The following PDCD6 variants were observed in gnomAD, a reference collection of about 807,000 sequenced individuals.
PDCD6 encodes the protein programmed cell death 6.
In PDCD6, 12 loss-of-function variants were observed where a neutral mutation model predicts 28.3. That is an observed-to-expected ratio of 0.42 (90% confidence interval 0.27 to 0.69). The LOEUF is 0.69. Among genes scored for constraint, PDCD6 ranks in the 30% least tolerant of loss-of-function variants. PDCD6 has a pLI of 0.22. For synonymous variants in PDCD6, 92 were observed against 108.0 expected, an observed-to-expected ratio of 0.85 and a Z score of 0.92; for missense variants, 226 against 269.9, an observed-to-expected ratio of 0.84 and a Z score of 1.14.
intron 2 of PDCD6, chr5:289,093 C>A: frequency 8.3e-7 from 1 of 1,208,736 alleles, no homozygotes; most frequent in Admixed American, 1.9e-5. Flanking sequence ...GTTGAGGCAT[C>A]ATCAGATTAT....
chr5:280,748 A>C (rs1347541304), intron 2 of PDCD6, among the ~76,000 whole-genome samples: 2 of 142,972 alleles, frequency 1.4e-5, no homozygotes, highest in African/African-American at 2.7e-5. Flanking sequence ...GCTGGCATTT[A>C]AGAGGGGAGT....
chr5:297,050 C>T (rs1249950361), intron 2 of PDCD6, among the ~76,000 whole-genome samples: 4 of 152,230 alleles, frequency 2.6e-5, no homozygotes, highest in South Asian at 2.1e-4. Flanking sequence ...GTCTGGTGCT[C>T]GGCGCTGGAG....
intron 2 of PDCD6, among the ~76,000 whole-genome samples, chr5:299,551 GTT>G (rs35811389): frequency 7.1e-6 from 1 of 140,930 alleles, no homozygotes; most frequent in Non-Finnish European, 1.5e-5. Flanking sequence ...TCTTTTGAAG[GTT>G]TTTTTTTTTT....
intron 2 of PDCD6, among the ~76,000 whole-genome samples, chr5:280,338 A>G (rs1738485833): frequency 6.6e-6 from 1 of 152,208 alleles, no homozygotes; most frequent in Admixed American, 6.5e-5. Context: ...AGGCCAGAGC[A>G]GAGGGCAGGG....
rs779736494 is a variant in PDCD6, at chr5:311,372, C to T, written c.447C>T (p.Asp149=). 1.4e-5 allele frequency: 22 copies of T among 1,613,834 alleles called. No individual in the cohort carries two copies. The highest frequency in any genetic ancestry group is 2.2e-5 in the East Asian group (1 of 44,884). ...DRQGRGQIAF[D]DFIQGCIVLQ... is the part of the protein sequence containing the mutation. Reference sequence around the variant, plus strand: ...AGGGACGGGGGCAGATTGCCTTCGACGACTTCATCCAGGGCTGCATCGTCC... The same window carrying T: ...AGGGACGGGGGCAGATTGCCTTCGATGACTTCATCCAGGGCTGCATCGTCC... Residue 149 remains aspartate (D), a synonymous_variant, in exon 5 of 6, where the codon GAC becomes GAT. Transcript: ENST00000264933.
chr5:304,121 C>CA lies in PDCD6; in HGVS notation c.164-55dup, dbSNP rs1045773894. ...TGCCTCCAGGTATAGATCACAAACT[C>CA]AGTGTCCCAGAAAGATTTTCCTTTT... On this transcript the variant is annotated intron_variant, in intron 2 of 5. Coordinates refer to ENST00000264933, the MANE Select transcript of PDCD6 (RefSeq NM_013232.4). 8.2e-6 allele frequency: 11 copies of CA among 1,344,038 alleles called. No individual in the cohort carries two copies. The African/African-American group carries it at 2.0e-4, about 25-fold the overall frequency. 83.3% of individuals were successfully genotyped at this position (1,344,038 alleles called of 1,614,324 possible).
intron 2 of PDCD6, among the ~76,000 whole-genome samples, chr5:292,459 ATGT>A (rs1232665887): frequency 2.0e-5 from 3 of 152,014 alleles, no homozygotes; most frequent in Non-Finnish European, 2.9e-5. Flanking sequence ...GGGTTTCACC[ATGT>A]TGTCCAGACT....
intron 3 of PDCD6, chr5:306,320 A>G (rs1009132478): frequency 2.2e-5 from 8 of 364,808 alleles, no homozygotes; most frequent in Non-Finnish European, 4.2e-5. Context: ...ATTTCCTCAC[A>G]CATCCCATTG....
intron 2 of PDCD6, among the ~76,000 whole-genome samples, chr5:284,918 C>T (rs1738847142): frequency 7.0e-6 from 1 of 143,694 alleles, no homozygotes. Flanking sequence ...GCTGGAGACC[C>T]GGGGAGGAAT....
rs376736858 is a variant in PDCD6, at chr5:295,214, TAAAA to T, written c.164-8959_164-8956del. 5.2e-4 allele frequency among the ~76,000 whole-genome samples: 60 copies of T among 116,126 alleles called. No individual in the cohort carries two copies. In the East Asian group the frequency reaches 5.4e-3, roughly 10 times the overall value. The allele number at this position is 116,126 out of a possible 152,430, so 76.2% of individuals were successfully genotyped here. A position where few individuals can be genotyped will look rare whatever the true frequency, so the allele number is the denominator to read the frequency against. On this transcript the variant is annotated intron_variant, in intron 2 of 5. Coordinates refer to ENST00000264933, the MANE Select transcript of PDCD6 (RefSeq NM_013232.4). ...AACATATTAAAAAAAACTCTTAAAA[TAAAA>T]AAACCACAAAAAGTATTTCATAAGC...
At position 271,657 on chromosome 5, in the gene PDCD6, C is replaced by T. The variant is rs115979486; in HGVS notation, c.-64C>T. The T allele has an allele frequency of 4.3e-3, 3,945 of 925,990 alleles. 100 individuals carry two copies. The African/African-American group carries it at 0.057, about 13-fold the overall frequency. 57.4% of individuals were successfully genotyped at this position (925,990 alleles called of 1,614,324 possible). On this transcript the variant is annotated 5_prime_UTR_variant, in exon 1 of 6. Transcript: ENST00000264933. ...GCCCTGCCCCCGGCAGAGGCGGAAG[C>T]GGAGTCGGCCTGAGAGGTCTCTCGT...
intron 2 of PDCD6, among the ~76,000 whole-genome samples, chr5:297,440 T>C (rs2126735298): frequency 6.6e-6 from 1 of 152,384 alleles, no homozygotes; most frequent in African/African-American, 2.4e-5. Context: ...TGTATACCTT[T>C]AGATTAAAAT....
At chr5:279,204 C>CT (rs1561031229) in intron 2 of PDCD6, among the ~76,000 whole-genome samples, 9 of 138,696 alleles carry the variant, frequency 6.5e-5, no homozygotes, top group African/African-American at 2.9e-4. Context: ...TTCATTCCCC[C>CT]CTAAGAGTAT....
intron 2 of PDCD6, chr5:276,491 G>T: frequency 3.1e-6 from 3 of 979,730 alleles, no homozygotes; most frequent in Non-Finnish European, 3.6e-6. Context: ...ATTAGAGATG[G>T]AGTCTCACTG....
rs369323059 is a variant in PDCD6, at chr5:302,070, C to CTGTGTGTGTGTGTGTGTGTGTGTG, written c.164-2092_164-2069dup. ...GGAGGGCGGATCATTGAGTGCTGCT[C>CTGTGTGTGTGTGTGTGTGTGTGTG]TGTGTGTGTGTGTGTGTGTGTGTGT... On this transcript the variant is annotated intron_variant, in intron 2 of 5. Coordinates refer to ENST00000264933, the MANE Select transcript of PDCD6 (RefSeq NM_013232.4). Among the ~76,000 whole-genome samples, 49 of 57,750 alleles carry CTGTGTGTGTGTGTGTGTGTGTGTG rather than the reference C, an allele frequency of 8.5e-4. 1 individual carries two copies. The highest frequency in any genetic ancestry group is 1.2e-3 in the Non-Finnish European group (35 of 29,310). 37.9% of individuals were successfully genotyped at this position (57,750 alleles called of 152,430 possible).
rs1257117564 is a variant in PDCD6 at position 307,266 on chromosome 5, G to A, written c.367+506G>A. Among the ~76,000 whole-genome samples the A allele has an allele frequency of 1.9e-5, 2 of 106,224 alleles. 1 individual carries two copies. Among genetic ancestry groups the A allele is most frequent in the Non-Finnish European group, 3.6e-5 (2 of 55,716 alleles). 69.7% of individuals were successfully genotyped at this position (106,224 alleles called of 152,430 possible). ...CGGCGTGTGTGTGCTCGGCGTGTGT[G>A]TGCACACGTGTGCCGTGCGCCTCAG... On this transcript the variant is annotated intron_variant, in intron 4 of 5. Transcript: ENST00000264933. This position sits in a 1 kb window ranked among gnomAD's most constrained non-coding sequence, Gnocchi z 6.1.
At chr5:297,054 G>A (rs949954367) in intron 2 of PDCD6, among the ~76,000 whole-genome samples, 4 of 152,258 alleles carry the variant, frequency 2.6e-5, no homozygotes, top group Non-Finnish European at 4.4e-5. Flanking sequence ...GGTGCTCGGC[G>A]CTGGAGGCTC....
chr5:284,423 C>G (rs1738793294), intron 2 of PDCD6, among the ~76,000 whole-genome samples: 1 of 152,182 alleles, frequency 6.6e-6, no homozygotes, highest in Non-Finnish European at 1.5e-5. Context: ...ATTTGAGGGT[C>G]ATGCAGCTGG....
Position 311,487 on chromosome 5 carries a change from G to T in PDCD6, c.477+85G>T. On this transcript the variant is annotated intron_variant, in intron 5 of 5. Coordinates refer to ENST00000264933, the MANE Select transcript of PDCD6 (RefSeq NM_013232.4). ...TGATGCACCTGACCTTCAATCTAAG[G>T]AGCTGGGCATGTGTAGAATTAGTTT... 8 of 858,742 alleles carry T rather than the reference G, an allele frequency of 9.3e-6. No individual in the cohort carries two copies. The South Asian group carries it at 1.1e-4, about 12-fold the overall frequency. 53.2% of individuals were successfully genotyped at this position (858,742 alleles called of 1,614,324 possible).
Sources: gnomAD v4.1 joint callset for allele counts (sites outside exome capture counted in the v4.1 genomes callset) on GRCh38, gnomAD v4.1.1 for gene constraint, Gnocchi (gnomAD v3.1) non-coding constraint, MANE v1.5 for transcripts, NCBI Gene and HGNC (gene_info 2026-07-23, HGNC 2026-07-21) for gene names.